Variants in PTPRD observed in about 807,000 individuals in gnomAD.
The protein encoded by PTPRD is receptor-type tyrosine-protein phosphatase delta.
In PTPRD, 34 loss-of-function variants were observed where a neutral mutation model predicts 214.5. The ratio of observed to expected loss-of-function variants is 0.16; its 90% CI spans 0.12 to 0.21. PTPRD has a LOEUF of 0.21. Ranked by LOEUF, PTPRD falls within the 10% of genes least tolerant of loss-of-function variation. The probability of loss-of-function intolerance (pLI) is 1.00; values close to 1 mark genes in which losing one functional copy is unlikely to be tolerated. For missense variants in PTPRD, 2,545 were observed against 2,398.7 expected, an observed-to-expected ratio of 1.06 and a Z score of -1.27; for synonymous variants, 1,128 against 845.7, an observed-to-expected ratio of 1.33 and a Z score of -5.79.
At chr9:10,224,291 G>A (rs554988227) in intron 3 of PTPRD, among the ~76,000 whole-genome samples, 2 of 151,930 alleles carry the variant, frequency 1.3e-5, no homozygotes, top group East Asian at 3.9e-4. Context: ...CAAATAAAGA[G>A]TTTATAAAAT....
intron 43 of PTPRD, among the ~76,000 whole-genome samples, chr9:8,337,871 C>CTATT (rs1564065048): frequency 6.6e-6 from 1 of 151,164 alleles, no homozygotes; most frequent in African/African-American, 2.4e-5. Flanking sequence ...TGAAAGAGCA[C>CTATT]TATTTTTTTT....
chr9:9,243,076 G>A (rs1244451651), intron 9 of PTPRD, among the ~76,000 whole-genome samples: 1 of 152,096 alleles, frequency 6.6e-6, no homozygotes, highest in Non-Finnish European at 1.5e-5. Context: ...ACCCTCAGCT[G>A]CAGGTCTGTT....
chr9:9,438,844 T>G (rs920884043), intron 8 of PTPRD, among the ~76,000 whole-genome samples: 1 of 152,180 alleles, frequency 6.6e-6, no homozygotes, highest in Non-Finnish European at 1.5e-5. Flanking sequence ...AAATTGAACA[T>G]AAATGTATCA....
chr9:10,487,291 T>G (rs957655826), intron 2 of PTPRD, among the ~76,000 whole-genome samples: 7 of 152,296 alleles, frequency 4.6e-5, no homozygotes, highest in African/African-American at 1.7e-4. Context: ...CCACTTACAT[T>G]CAATGTTACT....
rs141265297 is a variant in PTPRD, at chr9:9,300,427, T to C, written c.-203+97022A>G. 7.3e-3 allele frequency among the ~76,000 whole-genome samples: 1,107 copies of C among 151,934 alleles called. 5 individuals carry two copies. The highest frequency in any genetic ancestry group is 9.2e-3 in the Non-Finnish European group (626 of 67,862). On this transcript the variant is annotated intron_variant, in intron 9 of 45. Coordinates refer to ENST00000381196, the MANE Select transcript of PTPRD (RefSeq NM_002839.4). ...TTTTTAGACAGCGCCTCTTCATCAT[T>C]ATGATCTCTGTCTAAACGTCATTTT...
intron 24 of PTPRD, among the ~76,000 whole-genome samples, chr9:8,500,088 C>G (rs1592113080): frequency 2.1e-5 from 3 of 141,572 alleles, no homozygotes. Flanking sequence ...AAAAGAGTAT[C>G]AGAGAAATAG....
At chr9:8,926,176 A>C (rs766389480) in intron 11 of PTPRD, among the ~76,000 whole-genome samples, 2 of 151,968 alleles carry the variant, frequency 1.3e-5, no homozygotes, top group African/African-American at 2.4e-5. Flanking sequence ...CTCTGACTGG[A>C]ATACCTTTTC....
intron 7 of PTPRD, among the ~76,000 whole-genome samples, chr9:9,603,408 A>T (rs1308968246): frequency 6.6e-6 from 1 of 152,178 alleles, no homozygotes; most frequent in Admixed American, 6.6e-5. Flanking sequence ...TGTAATTAGA[A>T]ATAGCAAATA....
intron 3 of PTPRD, among the ~76,000 whole-genome samples, chr9:10,277,793 C>T (rs1194905870): frequency 6.6e-6 from 1 of 152,094 alleles, no homozygotes; most frequent in Non-Finnish European, 1.5e-5. Flanking sequence ...AAAACTAAAT[C>T]CTTCCCCAAG....
rs141461917 is a variant in PTPRD, at chr9:8,558,875, A to T, written c.353-30096T>A. 2.6e-5 allele frequency among the ~76,000 whole-genome samples: 4 copies of T among 152,324 alleles called. No homozygotes were observed. The East Asian group carries it at 7.7e-4, about 29-fold the overall frequency. On this transcript the variant is annotated intron_variant, in intron 14 of 45. Transcript: ENST00000381196. ...AAAATGGTGCTTGGCATTCTAAAAA[A>T]ATTAAAATTTACTTCAAAATTCCTT...
intron 2 of PTPRD, among the ~76,000 whole-genome samples, chr9:10,486,420 C>T (rs1463897497): frequency 6.6e-6 from 1 of 152,084 alleles, no homozygotes; most frequent in Non-Finnish European, 1.5e-5. Context: ...TTTCCCAGCA[C>T]CGTTTACTGA....
intron 5 of PTPRD, among the ~76,000 whole-genome samples, chr9:9,818,710 G>A (rs376514412): frequency 6.6e-6 from 1 of 152,008 alleles, no homozygotes; most frequent in Non-Finnish European, 1.5e-5. Flanking sequence ...GAGGTCAGGA[G>A]TTCGAAGTCA....
intron 7 of PTPRD, among the ~76,000 whole-genome samples, chr9:9,583,921 G>C (rs582218): frequency 0.35 from 53,415 of 151,736 alleles, 9,876 homozygotes; most frequent in African/African-American, 0.43. Flanking sequence ...TAATCAAGCC[G>C]TGAAACTATC....
intron 5 of PTPRD, among the ~76,000 whole-genome samples, chr9:9,899,191 A>G (rs1468406701): frequency 6.6e-6 from 1 of 152,104 alleles, no homozygotes; most frequent in Non-Finnish European, 1.5e-5. Context: ...AAATATGTAG[A>G]GAATCTGTAG....
intron 12 of PTPRD, among the ~76,000 whole-genome samples, chr9:8,647,189 T>C (rs897804709): frequency 1.3e-5 from 2 of 152,230 alleles, no homozygotes; most frequent in African/African-American, 4.8e-5. Flanking sequence ...CTTTTATGAA[T>C]ATCATTCCAC....
At chr9:9,983,799 T>C (rs1377894320) in intron 4 of PTPRD, among the ~76,000 whole-genome samples, 2 of 152,226 alleles carry the variant, frequency 1.3e-5, no homozygotes, top group African/African-American at 2.4e-5. Flanking sequence ...TGATGCCTAA[T>C]TGAGCATTAC....
intron 11 of PTPRD, among the ~76,000 whole-genome samples, chr9:8,810,134 G>A (rs1371258804): frequency 1.3e-5 from 2 of 152,222 alleles, no homozygotes; most frequent in East Asian, 1.9e-4. Flanking sequence ...AATTAATCAA[G>A]GTAGATAGTC....
intron 11 of PTPRD, among the ~76,000 whole-genome samples, chr9:8,773,981 C>T (rs984317463): frequency 7.2e-5 from 11 of 152,112 alleles, no homozygotes; most frequent in African/African-American, 2.2e-4. Context: ...GACTCCAACC[C>T]CAAGAAGAGT....
chr9:10,412,334 G>A (rs1159962356), intron 2 of PTPRD, among the ~76,000 whole-genome samples: 2 of 151,476 alleles, frequency 1.3e-5, no homozygotes, highest in Non-Finnish European at 2.9e-5. Context: ...CAAATTCCTG[G>A]ACACACTCAC....
Sources: allele counts gnomAD v4.1 joint callset (sites outside exome capture counted in the v4.1 genomes callset), GRCh38; gene constraint gnomAD v4.1.1; transcripts MANE v1.5; gene names NCBI Gene and HGNC (gene_info 2026-07-23, HGNC 2026-07-21).